The following NAP1L5 variants were observed in gnomAD, a reference collection of about 807,000 sequenced individuals.
The protein encoded by NAP1L5 is nucleosome assembly protein 1 like 5.
For synonymous variants in NAP1L5, 125 were observed against 103.6 expected (o/e 1.21, Z -1.25); for missense variants, 249 against 246.4 (o/e 1.01, Z -0.07).
chr4:88,697,731 C>A lies in NAP1L5; in HGVS notation c.24G>T (p.Gly8=), dbSNP rs201827649. The A allele has an allele frequency of 1.1e-5, 17 of 1,610,098 alleles. No homozygotes were observed. Among genetic ancestry groups the A allele is most frequent in the African/African-American group, 1.3e-5 (1 of 74,838 alleles). MADSENQ[G]PAEPSQAAAA... is the part of the protein sequence containing the mutation. ...CCGCCGCCTGGCTAGGCTCCGCAGG[C>A]CCCTGGTTTTCCGAGTCGGCCATGT... Residue 8 remains glycine, a synonymous_variant, in exon 1 of 1, where the codon GGG becomes GGT. Coordinates refer to ENST00000323061, the MANE Select transcript of NAP1L5 (RefSeq NM_153757.4).
In NAP1L5 at chr4:88,697,641, G is replaced by T. The variant is rs367583588; in HGVS notation, c.114C>A (p.Asp38Glu). 6.2e-7 allele frequency: 1 copy of T among 1,613,656 alleles called. No individual in the cohort carries two copies. Among genetic ancestry groups the T allele is most frequent in the Non-Finnish European group, 8.5e-7 (1 of 1,180,000 alleles). ...AEGGAQGGDCDSAAGDPDSAA... is the reference protein window; with the variant it reads ...AEGGAQGGDCESAAGDPDSAA... ...CGCTGTCAGGGTCACCAGCCGCGCT[G>T]TCACAGTCTCCACCCTGCGCACCGC... is the stretch of plus-strand genomic sequence containing the variant. The change falls in exon 1 of 1, where the codon GAC becomes GAA. Residue 38 changes from aspartate (D) to glutamate (E), a missense_variant. Transcript: ENST00000323061.
chr4:88,697,249 T>C lies in NAP1L5; in HGVS notation c.506A>G (p.His169Arg), dbSNP rs1350226801. The part of the protein sequence containing the change: ...AAAEAAAGAK[H>R]DDAHAEMPDD... Reference sequence around the variant, plus strand: ...AGGCATCTCGGCGTGGGCATCGTCATGTTTGGCCCCCGCGGCAGCCTCTGC... The same window carrying C: ...AGGCATCTCGGCGTGGGCATCGTCACGTTTGGCCCCCGCGGCAGCCTCTGC... The change falls in exon 1 of 1, where the codon CAT becomes CGT. Residue 169 changes from histidine (H) to arginine (R), a missense_variant. His to Arg is a conservative substitution (Grantham distance 29). Coordinates refer to ENST00000323061, the MANE Select transcript of NAP1L5 (RefSeq NM_153757.4). 3 of 1,555,528 alleles carry C rather than the reference T, an allele frequency of 1.9e-6. No homozygotes were observed. Among genetic ancestry groups the C allele is most frequent in the East Asian group, 4.5e-5 (2 of 44,328 alleles).
Position 88,697,045 on chromosome 4 carries a change from G to T in NAP1L5, c.*161C>A. On this transcript the variant is annotated 3_prime_UTR_variant, in exon 1 of 1. Transcript: ENST00000323061. ...GTCAAATTTGAATCGAGCTGGCCAG[G>T]ATCTAATTGCTTTAATTTAATCTAT... 1 of 632,758 alleles carries T rather than the reference G, an allele frequency of 1.6e-6. No homozygotes were observed. Among genetic ancestry groups the T allele is most frequent in the Non-Finnish European group, 2.6e-6 (1 of 387,588 alleles). 39.2% of individuals were successfully genotyped at this position (632,758 alleles called of 1,614,324 possible).
In NAP1L5 at chr4:88,697,296, G is replaced by T; in HGVS notation, c.459C>A (p.Asp153Glu). 1 of 1,604,726 alleles carries T rather than the reference G, an allele frequency of 6.2e-7. No individual in the cohort carries two copies. The highest frequency in any genetic ancestry group is 8.5e-7 in the Non-Finnish European group (1 of 1,175,218). The change falls in exon 1 of 1, where the codon GAC becomes GAA. Residue 153 changes from aspartate (D) to glutamate (E), a missense_variant. Coordinates refer to ENST00000323061, the MANE Select transcript of NAP1L5 (RefSeq NM_153757.4). ...EYEDDEEEGE[D>E]EEEEEAAAEA... ...CTGCCGCAGCCTCCTCCTCCTCCTC[G>T]TCTTCCCCCTCCTCCTCGTCATCCT...
Position 88,697,617 on chromosome 4 carries a change from G to A in NAP1L5, c.138C>T (p.Ser46=). The A allele has an allele frequency of 1.2e-6, 2 of 1,609,128 alleles. No homozygotes were observed. Among genetic ancestry groups the A allele is most frequent in the Non-Finnish European group, 1.7e-6 (2 of 1,175,884 alleles). ...GCTCCTCAGCCATCTGACCAGCCGC[G>A]CTGTCAGGGTCACCAGCCGCGCTGT... is the stretch of plus-strand genomic sequence containing the variant. ...DCDSAAGDPD[S]AAGQMAEEPQ... is the part of the protein sequence containing the mutation. The change falls in exon 1 of 1, where the codon AGC becomes AGT. Residue 46 remains serine (S), a synonymous_variant. Transcript: ENST00000323061.
At position 88,697,399 on chromosome 4, in the gene NAP1L5, T is replaced by C. The variant is rs766855077; in HGVS notation, c.356A>G (p.Lys119Arg). The part of the protein sequence containing the change: ...YNDIYKPLLA[K>R]IQELTGEMEG... ...CATCTCGCCGGTGAGCTCTTGGATC[T>C]TGGCGAGTAGGGGCTTATAGATGTC... is the stretch of plus-strand genomic sequence containing the variant. The change falls in exon 1 of 1, where the codon AAG becomes AGG. Residue 119 changes from lysine (K) to arginine (R), a missense_variant. Lys to Arg is a conservative substitution (Grantham distance 26). Coordinates refer to ENST00000323061, the MANE Select transcript of NAP1L5 (RefSeq NM_153757.4). 2 of 1,614,150 alleles carry C rather than the reference T, an allele frequency of 1.2e-6. No homozygotes were observed. Among genetic ancestry groups the C allele is most frequent in the South Asian group, 2.2e-5 (2 of 91,076 alleles).
chr4:88,696,944 C>T lies in NAP1L5; in HGVS notation c.*262G>A, dbSNP rs779109408. 1.7e-5 allele frequency: 7 copies of T among 400,096 alleles called. No homozygotes were observed. Among genetic ancestry groups the T allele is most frequent in the East Asian group, 3.9e-5 (1 of 25,770 alleles). 24.8% of individuals were successfully genotyped at this position (400,096 alleles called of 1,614,324 possible). ...TAAACCTCAATCCTCAGAGAAGAGA[C>T]CATGAAAACATAATTTTGGGTTTAA... On this transcript the variant is annotated 3_prime_UTR_variant, in exon 1 of 1. Transcript: ENST00000323061.
rs756616802 is a variant in NAP1L5 at position 88,697,721 on chromosome 4, G to C, written c.34C>G (p.Pro12Ala). 1 of 1,611,358 alleles carries C rather than the reference G, an allele frequency of 6.2e-7. No individual in the cohort carries two copies. The highest frequency in any genetic ancestry group is 8.5e-7 in the Non-Finnish European group (1 of 1,179,268). ...TCCGCCGCTGCCGCCGCCTGGCTAG[G>C]CTCCGCAGGCCCCTGGTTTTCCGAG... ...ADSENQGPAE[P>A]SQAAAAAEAA... The change falls in exon 1 of 1, where the codon CCT (proline) becomes GCT (alanine). Residue 12 changes from proline to alanine, a missense_variant. By Grantham distance (27) the Pro-to-Ala change is conservative. Transcript: ENST00000323061.
chr4:88,697,825 A>G lies in NAP1L5; in HGVS notation c.-71T>C. ...CCTGCACCCGAGCTGGTCCAGAGAG[A>G]TCTTGCGGATGCGGCAAGTGGCGGT... On this transcript the variant is annotated 5_prime_UTR_variant, in exon 1 of 1. Coordinates refer to ENST00000323061, the MANE Select transcript of NAP1L5 (RefSeq NM_153757.4). 6.7e-7 allele frequency: 1 copy of G among 1,500,888 alleles called. No homozygotes were observed. 93.0% of individuals were successfully genotyped at this position (1,500,888 alleles called of 1,614,324 possible).
Position 88,697,812 on chromosome 4 carries a change from C to G in NAP1L5, c.-58G>C. On this transcript the variant is annotated 5_prime_UTR_variant, in exon 1 of 1. Transcript: ENST00000323061. Reference sequence around the variant, plus strand: ...CTCCCGCAGAGGCCCTGCACCCGAGCTGGTCCAGAGAGATCTTGCGGATGC... The same window carrying G: ...CTCCCGCAGAGGCCCTGCACCCGAGGTGGTCCAGAGAGATCTTGCGGATGC... 2.6e-6 allele frequency: 4 copies of G among 1,527,252 alleles called. No individual in the cohort carries two copies. The highest frequency in any genetic ancestry group is 3.5e-6 in the Non-Finnish European group (4 of 1,139,502). 94.6% of individuals were successfully genotyped at this position (1,527,252 alleles called of 1,614,324 possible).
In NAP1L5 at chr4:88,697,536, C is replaced by T. The variant is rs1164543169; in HGVS notation, c.219G>A (p.Leu73=). 2 of 1,614,162 alleles carry T rather than the reference C, an allele frequency of 1.2e-6. No homozygotes were observed. Among genetic ancestry groups the T allele is most frequent in the Non-Finnish European group, 1.7e-6 (2 of 1,180,018 alleles). ...GGACTCGGCATTTCACCGAATTAGGCAGGCTCTCGATAAAGTCATTTTTCG... is the reference window on the plus strand; with the variant it reads ...GGACTCGGCATTTCACCGAATTAGGTAGGCTCTCGATAAAGTCATTTTTCG... The part of the protein sequence containing the change: ...PKPKNDFIES[L]PNSVKCRVLA... Residue 73 remains leucine, a synonymous_variant, in exon 1 of 1, where the codon CTG becomes CTA. Coordinates refer to ENST00000323061, the MANE Select transcript of NAP1L5 (RefSeq NM_153757.4).
At position 88,697,581 on chromosome 4, in the gene NAP1L5, A is replaced by C; in HGVS notation, c.174T>G (p.Pro58=). 2 of 1,613,748 alleles carry C rather than the reference A, an allele frequency of 1.2e-6. No individual in the cohort carries two copies. The highest frequency in any genetic ancestry group is 8.5e-7 in the Non-Finnish European group (1 of 1,179,784). Residue 58 remains proline, a synonymous_variant, in exon 1 of 1, where the codon CCT becomes CCG. Coordinates refer to ENST00000323061, the MANE Select transcript of NAP1L5 (RefSeq NM_153757.4). The stretch of plus-strand genomic sequence containing the variant: ...TTTTCGGCTTTGGGGCATTCTCTGC[A>C]GGGGTCTGGGGCTCCTCAGCCATCT... ...AGQMAEEPQT[P]AENAPKPKND...
rs1001161230 is a variant in NAP1L5 at position 88,697,758 on chromosome 4, AGAG to A, written c.-7_-5del. On this transcript the variant is annotated 5_prime_UTR_variant, in exon 1 of 1. Transcript: ENST00000323061. ...CCTGGTTTTCCGAGTCGGCCATGTTAGAGGAGAAGCCGCAGAGGTCTAGGAGGG... is the reference window on the plus strand; with the variant it reads ...CCTGGTTTTCCGAGTCGGCCATGTTAGAGAAGCCGCAGAGGTCTAGGAGGG... The A allele has an allele frequency of 6.2e-7, 1 of 1,603,354 alleles. No individual in the cohort carries two copies. Among genetic ancestry groups the A allele is most frequent in the Non-Finnish European group, 8.5e-7 (1 of 1,175,234 alleles).
Position 88,697,404 on chromosome 4 carries a change from G to A in NAP1L5, c.351C>T (p.Leu117=). 1.2e-6 allele frequency: 2 copies of A among 1,614,060 alleles called. No individual in the cohort carries two copies. Among genetic ancestry groups the A allele is most frequent in the Non-Finnish European group, 1.7e-6 (2 of 1,180,018 alleles). Residue 117 remains leucine, a synonymous_variant, in exon 1 of 1, where the codon CTC becomes CTT. Transcript: ENST00000323061. ...CGCCGGTGAGCTCTTGGATCTTGGC[G>A]AGTAGGGGCTTATAGATGTCATTAT... The part of the protein sequence containing the change: ...KKYNDIYKPL[L]AKIQELTGEM...
chr4:88,696,889 TCTTTA>T lies in NAP1L5; in HGVS notation c.*312_*316del, dbSNP rs1157774792. 1 of 287,612 alleles carries T rather than the reference TCTTTA, an allele frequency of 3.5e-6. No homozygotes were observed. Among genetic ancestry groups the T allele is most frequent in the Non-Finnish European group, 6.3e-6 (1 of 157,710 alleles). The allele number at this position is 287,612 out of a possible 1,614,324, so 17.8% of individuals were successfully genotyped here. On this transcript the variant is annotated 3_prime_UTR_variant, in exon 1 of 1. Transcript: ENST00000323061. ...TGATGAATGGGTTTCAAAGTGACGT[TCTTTA>T]CTTCGCATCTGCTAACACCCTTTGT...
At position 88,697,232 on chromosome 4, in the gene NAP1L5, C is replaced by T. The variant is rs1734692276; in HGVS notation, c.523G>A (p.Glu175Lys). ...AGAKHDDAHA[E>K]MPDDAKK ...TACTTCTTGGCGTCATCAGGCATCT[C>T]GGCGTGGGCATCGTCATGTTTGGCC... is the stretch of plus-strand genomic sequence containing the variant. The change falls in exon 1 of 1, where the codon GAG becomes AAG. Residue 175 changes from glutamate (E) to lysine (K), a missense_variant. Physicochemically the swap from Glu to Lys is moderately conservative, Grantham distance 56. Transcript: ENST00000323061. The T allele has an allele frequency of 2.0e-6, 3 of 1,527,164 alleles. No individual in the cohort carries two copies. Among genetic ancestry groups the T allele is most frequent in the Non-Finnish European group, 2.6e-6 (3 of 1,140,846 alleles). 94.6% of individuals were successfully genotyped at this position (1,527,164 alleles called of 1,614,324 possible).
rs760684633 is a variant in NAP1L5, at chr4:88,697,695, C to T, written c.60G>A (p.Glu20=). The change falls in exon 1 of 1, where the codon GAG becomes GAA. Residue 20 remains glutamate, a synonymous_variant. Transcript: ENST00000323061. ...AEPSQAAAAA[E]AAAEEVMAEG... is the part of the protein sequence containing the mutation. ...CCGCCATTACCTCCTCTGCCGCTGC[C>T]TCCGCCGCTGCCGCCGCCTGGCTAG... 2.5e-6 allele frequency: 4 copies of T among 1,612,066 alleles called. No homozygotes were observed. Among genetic ancestry groups the T allele is most frequent in the Admixed American group, 3.3e-5 (2 of 59,920 alleles).
At position 88,697,697 on chromosome 4, in the gene NAP1L5, C is replaced by T. The variant is rs1040872845; in HGVS notation, c.58G>A (p.Glu20Lys). Residue 20 changes from glutamate to lysine, a missense_variant, in exon 1 of 1, where the codon GAG (glutamate) becomes AAG (lysine). Glu to Lys is a moderately conservative substitution (Grantham distance 56). Transcript: ENST00000323061. ...AEPSQAAAAA[E>K]AAAEEVMAEG... is the part of the protein sequence containing the mutation. ...GCCATTACCTCCTCTGCCGCTGCCT[C>T]CGCCGCTGCCGCCGCCTGGCTAGGC... 3.2e-5 allele frequency: 51 copies of T among 1,611,910 alleles called. No homozygotes were observed. The highest frequency in any genetic ancestry group is 4.1e-5 in the Non-Finnish European group (48 of 1,179,466).
In NAP1L5 at chr4:88,697,273, G is replaced by A; in HGVS notation, c.482C>T (p.Ala161Val). ...ATGTTTGGCCCCCGCGGCAGCCTCTGCCGCAGCCTCCTCCTCCTCCTCGTC... is the reference window on the plus strand; with the variant it reads ...ATGTTTGGCCCCCGCGGCAGCCTCTACCGCAGCCTCCTCCTCCTCCTCGTC... The part of the protein sequence containing the change: ...GEDEEEEEAA[A>V]EAAAGAKHDD... Residue 161 changes from alanine (A) to valine (V), a missense_variant, in exon 1 of 1, where the codon GCA becomes GTA. By Grantham distance (64) the Ala-to-Val change is moderately conservative. Transcript: ENST00000323061. 1 of 1,589,412 alleles carries A rather than the reference G, an allele frequency of 6.3e-7. No homozygotes were observed. The highest frequency in any genetic ancestry group is 8.6e-7 in the Non-Finnish European group (1 of 1,169,044).
Sources: allele counts gnomAD v4.1 joint callset, GRCh38; gene constraint gnomAD v4.1.1; transcripts MANE v1.5; gene names NCBI Gene and HGNC (gene_info 2026-07-23, HGNC 2026-07-21).